The following TIPARP variants were observed in gnomAD, a reference collection of about 807,000 sequenced individuals.
TIPARP encodes the protein TCDD inducible poly(ADP-ribose) polymerase, also known as protein mono-ADP-ribosyltransferase TIPARP.
In TIPARP, 12 loss-of-function variants were observed where a neutral mutation model predicts 56.5. That is an observed-to-expected ratio of 0.21 (90% confidence interval 0.14 to 0.34). The LOEUF (loss-of-function observed/expected upper bound fraction) is 0.34. Ranked by LOEUF, TIPARP falls within the 10% of genes least tolerant of loss-of-function variation. The pLI is 1.00. For missense variants in TIPARP, 604 were observed against 781.6 expected (o/e 0.77, Z 2.71); for synonymous variants, 296 against 265.7 (o/e 1.11, Z -1.11).
intron 4 of TIPARP, among the ~76,000 whole-genome samples, chr3:156,702,068 GGTGGTT>G (rs1356951875): frequency 0.025 from 2,671 of 108,160 alleles, 63 homozygotes; most frequent in African/African-American, 0.032. Flanking sequence ...TGGTGGTGGT[GGTGGTT>G]GTGGTGGTGG....
chr3:156,683,482 C>T (rs1722354195), intron 2 of TIPARP, among the ~76,000 whole-genome samples: 1 of 152,016 alleles, frequency 6.6e-6, no homozygotes, highest in African/African-American at 2.4e-5. Context: ...GTTTGAAGCA[C>T]TTCCGATTTT....
At chr3:156,676,707 A>G (rs1490775441) in intron 1 of TIPARP, 1 of 152,138 alleles carries the variant, frequency 6.6e-6, no homozygotes, top group East Asian at 1.9e-4. Context: ...AAATGTTTTC[A>G]AATTTCAGTT....
intron 2 of TIPARP, among the ~76,000 whole-genome samples, chr3:156,688,372 CAAAAAAAA>C (rs56676116): frequency 4.8e-5 from 4 of 83,838 alleles, no homozygotes; most frequent in Non-Finnish European, 6.9e-5. Context: ...GACCCTATCT[CAAAAAAAA>C]AAAAAAAAAA....
Position 156,706,423 on chromosome 3 carries a change from T to G in TIPARP, c.*1292T>G, listed in dbSNP as rs1722983479. 1 of 152,698 alleles carries G rather than the reference T, an allele frequency of 6.5e-6. No individual in the cohort carries two copies. Among genetic ancestry groups the G allele is most frequent in the African/African-American group, 2.4e-5 (1 of 41,466 alleles). 9.5% of individuals were successfully genotyped at this position (152,698 alleles called of 1,614,324 possible). A position where few individuals can be genotyped will look rare whatever the true frequency, so the allele number is the denominator to read the frequency against. On this transcript the variant is annotated 3_prime_UTR_variant, in exon 6 of 6. Transcript: ENST00000295924. Reference sequence around the variant, plus strand: ...TTACACAAAACTTTTCAGGAACTTCTGTGTTGTTTAAGCAAGATGTATCTG... The same window carrying G: ...TTACACAAAACTTTTCAGGAACTTCGGTGTTGTTTAAGCAAGATGTATCTG...
rs1488040531 is a variant in TIPARP, at chr3:156,704,716, G to A, written c.1559G>A (p.Gly520Asp). 2 of 1,613,980 alleles carry A rather than the reference G, an allele frequency of 1.2e-6. No homozygotes were observed. The highest frequency in any genetic ancestry group is 1.7e-6 in the Non-Finnish European group (2 of 1,179,934). Reference sequence around the variant, plus strand: ...GAATATATGAACAGGAAAATGTTTGGCCGTGACAGGATAATAAATGAGAGA... The same window carrying A: ...GAATATATGAACAGGAAAATGTTTGACCGTGACAGGATAATAAATGAGAGA... ...KKEYMNRKMF[G>D]RDRIINERHL... The change falls in exon 6 of 6, where the codon GGC (glycine) becomes GAC (aspartate). Residue 520 changes from glycine to aspartate, a missense_variant. Transcript: ENST00000295924.
At chr3:156,682,704 T>C (rs978716759) in intron 2 of TIPARP, among the ~76,000 whole-genome samples, 5 of 152,228 alleles carry the variant, frequency 3.3e-5, no homozygotes, top group Admixed American at 6.5e-5. Flanking sequence ...TTATGTGTTA[T>C]TGATAACACT....
Position 156,705,297 on chromosome 3 carries a change from A to G in TIPARP, c.*166A>G. 1.7e-6 allele frequency: 1 copy of G among 573,082 alleles called. No individual in the cohort carries two copies. Among genetic ancestry groups the G allele is most frequent in the South Asian group, 2.5e-5 (1 of 40,628 alleles). The allele number at this position is 573,082 out of a possible 1,614,324, so 35.5% of individuals were successfully genotyped here. A position where few individuals can be genotyped will look rare whatever the true frequency, so the allele number is the denominator to read the frequency against. ...ATGCTTTTTTTAAAAAAAAAATACA[A>G]GTTTTAAAATGACCACTTACTCTTT... On this transcript the variant is annotated 3_prime_UTR_variant, in exon 6 of 6. Coordinates refer to ENST00000295924, the MANE Select transcript of TIPARP (RefSeq NM_015508.5).
intron 2 of TIPARP, among the ~76,000 whole-genome samples, chr3:156,691,586 A>G (rs750333809): frequency 6.6e-6 from 1 of 152,158 alleles, no homozygotes. Flanking sequence ...CAATAGTTTG[A>G]TAAAGAAGAA....
chr3:156,684,094 C>T (rs2108489169), intron 2 of TIPARP, among the ~76,000 whole-genome samples: 1 of 152,272 alleles, frequency 6.6e-6, no homozygotes, highest in South Asian at 2.1e-4. Context: ...AAGGAAAAAA[C>T]ATATTTCAAA....
intron 2 of TIPARP, among the ~76,000 whole-genome samples, chr3:156,680,598 T>A (rs1356748797): frequency 6.6e-6 from 1 of 152,216 alleles, no homozygotes; most frequent in Non-Finnish European, 1.5e-5. Context: ...AGGAAGAAAC[T>A]AGCAGGATTA....
At chr3:156,700,623 C>G (rs1218825751) in intron 4 of TIPARP, among the ~76,000 whole-genome samples, 2 of 152,150 alleles carry the variant, frequency 1.3e-5, no homozygotes, top group Non-Finnish European at 2.9e-5. Flanking sequence ...CATAAGCAAA[C>G]AAAGCTTAGG....
At chr3:156,697,759 G>A (rs1430091337) in intron 4 of TIPARP, among the ~76,000 whole-genome samples, 1 of 152,132 alleles carries the variant, frequency 6.6e-6, no homozygotes, top group Non-Finnish European at 1.5e-5. Flanking sequence ...TGATCTTTAT[G>A]TTACATTTGT....
At chr3:156,680,756 T>C (rs755772264) in intron 2 of TIPARP, among the ~76,000 whole-genome samples, 1 of 152,206 alleles carries the variant, frequency 6.6e-6, no homozygotes, top group Non-Finnish European at 1.5e-5. Flanking sequence ...GACATAGATA[T>C]AGGCCCATAA....
At chr3:156,688,256 G>A (rs534553789) in intron 2 of TIPARP, among the ~76,000 whole-genome samples, 1 of 151,586 alleles carries the variant, frequency 6.6e-6, no homozygotes. Flanking sequence ...CATGCCTATA[G>A]TCACAGCTAC....
At chr3:156,696,790 T>G (rs1229671498) in intron 4 of TIPARP, among the ~76,000 whole-genome samples, 2 of 152,342 alleles carry the variant, frequency 1.3e-5, no homozygotes, top group East Asian at 3.9e-4. Context: ...ATGCTATTTT[T>G]AGAGACTGAT....
chr3:156,697,697 G>A (rs1302851895), intron 4 of TIPARP, among the ~76,000 whole-genome samples: 1 of 152,022 alleles, frequency 6.6e-6, no homozygotes, highest in African/African-American at 2.4e-5. Context: ...GGTATTCTTC[G>A]GATATTTCAG....
At chr3:156,694,571 C>T (rs1261226239) in intron 3 of TIPARP, among the ~76,000 whole-genome samples, 1 of 152,172 alleles carries the variant, frequency 6.6e-6, no homozygotes, top group East Asian at 1.9e-4. Flanking sequence ...AAGTGTTACA[C>T]TTAGCATTTT....
intron 3 of TIPARP, 88 bp downstream of exon 3, chr3:156,694,276 C>A: frequency 1.7e-6 from 2 of 1,201,428 alleles, no homozygotes; most frequent in Non-Finnish European, 2.3e-6. Flanking sequence ...ACAACAATGA[C>A]TAGGCAGAAC....
chr3:156,701,830 C>T lies in TIPARP; in HGVS notation c.1248-1594C>T, dbSNP rs1722850168. Among the ~76,000 whole-genome samples the T allele has an allele frequency of 1.3e-5, 2 of 152,184 alleles. 1 individual carries two copies. Among genetic ancestry groups the T allele is most frequent in the South Asian group, 4.1e-4 (2 of 4,836 alleles). On this transcript the variant is annotated intron_variant, in intron 4 of 5. Transcript: ENST00000295924. ...AAATCTCCCCCTGTACTTAAAAGCACCTCGGAGATTCAGTAAGCCCTGGAT... is the reference window on the plus strand; with the variant it reads ...AAATCTCCCCCTGTACTTAAAAGCATCTCGGAGATTCAGTAAGCCCTGGAT...
Sources: gnomAD v4.1 joint callset for allele counts (sites outside exome capture counted in the v4.1 genomes callset) on GRCh38, gnomAD v4.1.1 for gene constraint, MANE v1.5 for transcripts, NCBI Gene and HGNC (gene_info 2026-07-23, HGNC 2026-07-21) for gene names.